Variants in KASH5 observed in about 807,000 individuals in gnomAD.
KASH5 encodes KASH domain containing 5, also known as protein KASH5.
In KASH5, 72 loss-of-function variants were observed where a neutral mutation model predicts 84.2. That is an observed-to-expected ratio of 0.85 (90% CI 0.71 to 1.04). The LOEUF is 1.04. KASH5 is among the 50% of genes least tolerant of loss of function. The pLI is 0.00. For missense variants in KASH5, 650 were observed against 701.0 expected (o/e 0.93, Z 0.82); for synonymous variants, 260 against 279.1 (o/e 0.93, Z 0.68).
intron 1 of KASH5, chr19:49,389,480 G>C (rs145443614): frequency 6.6e-6 from 1 of 151,726 alleles, no homozygotes; most frequent in African/African-American, 2.4e-5. Context: ...AACACCCCCG[G>C]GGTCCCTCAG....
chr19:49,415,113 G>GA, intron 17 of KASH5, 117 bp downstream of exon 17: 1 of 1,012,614 alleles, frequency 9.9e-7, no homozygotes, highest in Non-Finnish European at 1.5e-6. Context: ...GGAGCAGAGA[G>GA]AAAAATCATT....
intron 15 of KASH5, among the ~76,000 whole-genome samples, chr19:49,411,959 G>GGAAA (rs1568623096): frequency 2.1e-5 from 3 of 142,390 alleles, no homozygotes; most frequent in Admixed American, 2.0e-4. Context: ...AAGGAAGGAA[G>GGAAA]GAAGGAAGGA....
intron 3 of KASH5, 104 bp downstream of exon 3, chr19:49,394,684 G>C: frequency 1.2e-6 from 1 of 853,654 alleles, no homozygotes; most frequent in Non-Finnish European, 1.9e-6. Flanking sequence ...GCCCCCTCTT[G>C]GGGGTATTGT....
chr19:49,394,790 A>C, intron 3 of KASH5: 1 of 591,892 alleles, frequency 1.7e-6, no homozygotes, highest in East Asian at 2.8e-5. Context: ...GGGGACGTTG[A>C]TGGAAGAGGG....
At chr19:49,397,609 G>A (rs775046028) in intron 5 of KASH5, 42 bp from the exon 6 acceptor site, 6 of 1,592,564 alleles carry the variant, frequency 3.8e-6, no homozygotes, top group Middle Eastern at 1.7e-4. Flanking sequence ...TACGTTTAAG[G>A]GTTCCAGGGA....
chr19:49,406,382 T>C (rs1974526654), intron 9 of KASH5, among the ~76,000 whole-genome samples: 1 of 152,074 alleles, frequency 6.6e-6, no homozygotes, highest in South Asian at 2.1e-4. Flanking sequence ...CGTTTTTTTG[T>C]TGTTGTTTTT....
chr19:49,394,886 C>T, intron 3 of KASH5: 1 of 589,438 alleles, frequency 1.7e-6, no homozygotes, highest in Non-Finnish European at 3.0e-6. Flanking sequence ...ATGTCCATCC[C>T]CTTTGGTTTA....
rs367605166 is a variant in KASH5 at position 49,407,222 on chromosome 19, C to T, written c.877-18C>T. ...GTCCTGGGAGGCTGGATGGATGGAC[C>T]GGCTCCTTTCTTGGCAGCGGCAGCT... On this transcript the variant is annotated intron_variant, in intron 10 of 19. Coordinates refer to ENST00000447857, the MANE Select transcript of KASH5 (RefSeq NM_144688.5). 1.2e-4 allele frequency: 190 copies of T among 1,612,864 alleles called. 3 individuals are homozygous for T. The South Asian group carries it at 1.8e-3, about 15-fold the overall frequency.
rs1204463288 is a variant in KASH5, at chr19:49,399,012, C to T, written c.630-13C>T. On this transcript the variant is annotated splice_polypyrimidine_tract_variant and intron_variant, in intron 7 of 19. Coordinates refer to ENST00000447857, the MANE Select transcript of KASH5 (RefSeq NM_144688.5). The surrounding 1 kb of genome is among the most constrained non-coding windows in gnomAD (Gnocchi z 4.4). ...CCCTCTCGTATGGCTCATCTGCCCC[C>T]ACCCGCATTCAGCACCCAGCAGGCC... 1.3e-6 allele frequency: 2 copies of T among 1,548,124 alleles called. No individual in the cohort carries two copies. The highest frequency in any genetic ancestry group is 2.4e-5 in the South Asian group (2 of 83,910).
At chr19:49,400,613 T>G (rs1260774266) in intron 9 of KASH5, among the ~76,000 whole-genome samples, 2 of 151,948 alleles carry the variant, frequency 1.3e-5, no homozygotes, top group Non-Finnish European at 2.9e-5. Context: ...GGTCTCAAAC[T>G]CCCGACCTCA....
chr19:49,392,348 G>A (rs74806582), intron 2 of KASH5, among the ~76,000 whole-genome samples: 2 of 39,778 alleles, frequency 5.0e-5, no homozygotes, highest in African/African-American at 1.7e-4. Flanking sequence ...GAAAGATAGA[G>A]AGAAAGAGCC....
intron 9 of KASH5, among the ~76,000 whole-genome samples, chr19:49,402,706 C>CA (rs1015282534): frequency 1.3e-5 from 2 of 151,968 alleles, no homozygotes; most frequent in Admixed American, 6.5e-5. Context: ...GACTCTGTCT[C>CA]AAAAAAAATT....
intron 2 of KASH5, among the ~76,000 whole-genome samples, chr19:49,392,224 A>G (rs184158333): frequency 1.3e-5 from 2 of 152,132 alleles, no homozygotes; most frequent in Admixed American, 6.5e-5. Context: ...GACTTAGGGA[A>G]TGGAGAGTCT....
chr19:49,414,955 A>C lies in KASH5; in HGVS notation c.1333A>C (p.Thr445Pro). The change falls in exon 17 of 20, where the codon ACC becomes CCC. Residue 445 changes from threonine (T) to proline (P), a missense_variant. Transcript: ENST00000447857. This position sits in a 1 kb window ranked among gnomAD's most constrained non-coding sequence, Gnocchi z 4.5. ...EGRKEPSMWL[T>P]RREEEEDAES... is the part of the protein sequence containing the mutation. Reference sequence around the variant, plus strand: ...AGTGACTTTGTTGGCCCTCAGGTTGACCAGAAGAGAGGAAGAGGAGGATGC... The same window carrying C: ...AGTGACTTTGTTGGCCCTCAGGTTGCCCAGAAGAGAGGAAGAGGAGGATGC... 1 of 1,612,822 alleles carries C rather than the reference A, an allele frequency of 6.2e-7. No homozygotes were observed. The highest frequency in any genetic ancestry group is 8.5e-7 in the Non-Finnish European group (1 of 1,179,528).
rs1176739981 is a variant in KASH5, at chr19:49,407,384, G to A, written c.933+88G>A. On this transcript the variant is annotated intron_variant, in intron 11 of 19. Coordinates refer to ENST00000447857, the MANE Select transcript of KASH5 (RefSeq NM_144688.5). ...GGTCTAGAAAGGGAAGTCCTACTTG[G>A]GTCTGATCCTTGGATGTGCAGCTGG... The A allele has an allele frequency of 1.3e-5, 18 of 1,423,074 alleles. No individual in the cohort carries two copies. In the South Asian group the frequency reaches 1.8e-4, roughly 14 times the overall value. The allele number at this position is 1,423,074 out of a possible 1,614,324, so 88.2% of individuals were successfully genotyped here.
rs376011371 is a variant in KASH5 at position 49,407,005 on chromosome 19, G to A, written c.876+42G>A. On this transcript the variant is annotated intron_variant, in intron 10 of 19. Transcript: ENST00000447857. ...GTGCCTGACAACTTTCCACCACCCC[G>A]GGGCCATTTTTCCCATTTCCGGTTT... 18 of 1,540,948 alleles carry A rather than the reference G, an allele frequency of 1.2e-5. No individual in the cohort carries two copies. In the South Asian group the frequency reaches 1.4e-4, roughly 12 times the overall value.
chr19:49,417,429 C>A lies in KASH5; in HGVS notation c.1608C>A (p.Leu536=). The A allele has an allele frequency of 1.3e-6, 2 of 1,555,862 alleles. No homozygotes were observed. The highest frequency in any genetic ancestry group is 8.7e-7 in the Non-Finnish European group (1 of 1,149,702). The change falls in exon 20 of 20, where the codon CTC becomes CTA. Residue 536 remains leucine (L), a synonymous_variant. Transcript: ENST00000447857. The surrounding 1 kb of genome is among the most constrained non-coding windows in gnomAD (Gnocchi z 5.2). ...PVLGLLLLLL[L]SVLLLGPSPP... is the part of the protein sequence containing the mutation. ...TGGGCCTGCTGCTGCTGCTGCTGCT[C>A]TCTGTCCTGCTGCTTGGCCCGTCCC...
In KASH5 at chr19:49,412,949, A is replaced by T; in HGVS notation, c.1270-19A>T. The T allele has an allele frequency of 6.2e-7, 1 of 1,613,436 alleles. No homozygotes were observed. Among genetic ancestry groups the T allele is most frequent in the Non-Finnish European group, 8.5e-7 (1 of 1,179,558 alleles). On this transcript the variant is annotated intron_variant, in intron 15 of 19. Coordinates refer to ENST00000447857, the MANE Select transcript of KASH5 (RefSeq NM_144688.5). This position sits in a 1 kb window ranked among gnomAD's most constrained non-coding sequence, Gnocchi z 4.6. Reference sequence around the variant, plus strand: ...GAGTGAGAAGAATCAGAGAAGAACTAACCTTTTTGTTTCCACAGAGAAACT... The same window carrying T: ...GAGTGAGAAGAATCAGAGAAGAACTTACCTTTTTGTTTCCACAGAGAAACT...
chr19:49,392,446 A>G (rs944227926), intron 2 of KASH5, among the ~76,000 whole-genome samples: 2 of 152,146 alleles, frequency 1.3e-5, no homozygotes, highest in Non-Finnish European at 2.9e-5. Flanking sequence ...AACAGAAATG[A>G]CATCTCCCTG....
Sources: allele counts gnomAD v4.1 joint callset (sites outside exome capture counted in the v4.1 genomes callset), GRCh38; gene constraint gnomAD v4.1.1; non-coding constraint Gnocchi (gnomAD v3.1); transcripts MANE v1.5; gene names NCBI Gene and HGNC (gene_info 2026-07-23, HGNC 2026-07-21).